Variants in SLC24A3 observed in about 807,000 individuals in gnomAD.
SLC24A3 encodes solute carrier family 24 member 3.
SLC24A3 carries 28 observed loss-of-function variants against 75.8 expected under a neutral mutation model. The ratio of observed to expected loss-of-function variants is 0.37; its 90% CI spans 0.27 to 0.51. SLC24A3 has a LOEUF of 0.51. Among genes scored for constraint, SLC24A3 ranks in the 20% least tolerant of loss-of-function variants. The pLI, the probability that SLC24A3 is intolerant of heterozygous loss-of-function variation, is 0.94. For synonymous variants in SLC24A3, 372 were observed against 334.1 expected, an observed-to-expected ratio of 1.11 and a Z score of -1.24; for missense variants, 663 against 847.8, an observed-to-expected ratio of 0.78 and a Z score of 2.71.
intron 2 of SLC24A3, among the ~76,000 whole-genome samples, chr20:19,472,440 C>G (rs995896093): frequency 6.6e-6 from 1 of 152,248 alleles, no homozygotes; most frequent in Non-Finnish European, 1.5e-5. Context: ...TGCTAGCAAG[C>G]CTCTGCCACA....
intron 7 of SLC24A3, among the ~76,000 whole-genome samples, chr20:19,663,337 A>G (rs1205375329): frequency 7.0e-6 from 1 of 143,234 alleles, no homozygotes. Context: ...AAGGAGAAGG[A>G]TAAACCCGAA....
At chr20:19,445,624 T>C (rs1987368992) in intron 2 of SLC24A3, among the ~76,000 whole-genome samples, 1 of 152,136 alleles carries the variant, frequency 6.6e-6, no homozygotes, top group South Asian at 2.1e-4. Flanking sequence ...AGAGCACACA[T>C]GGGGAAGTGG....
intron 1 of SLC24A3, among the ~76,000 whole-genome samples, chr20:19,278,213 A>G (rs540525508): frequency 1.3e-5 from 2 of 152,312 alleles, no homozygotes; most frequent in South Asian, 4.1e-4. Flanking sequence ...GAGTAGGTGG[A>G]TGAATACCTA....
chr20:19,645,598 A>C (rs1363720693), intron 6 of SLC24A3, among the ~76,000 whole-genome samples: 1 of 152,216 alleles, frequency 6.6e-6, no homozygotes, highest in East Asian at 1.9e-4. Flanking sequence ...GCGGCTCCAC[A>C]GTGACACAAG....
chr20:19,495,574 T>C (rs1266953482), intron 2 of SLC24A3, among the ~76,000 whole-genome samples: 1 of 152,224 alleles, frequency 6.6e-6, no homozygotes, highest in African/African-American at 2.4e-5. Context: ...ATTCGTTGTA[T>C]GGCAGTACAG....
chr20:19,306,903 T>C (rs1253462972), intron 2 of SLC24A3, among the ~76,000 whole-genome samples: 1 of 151,646 alleles, frequency 6.6e-6, no homozygotes, highest in Admixed American at 6.6e-5. Flanking sequence ...AACAAAAACC[T>C]CTCACGTGAC....
intron 2 of SLC24A3, among the ~76,000 whole-genome samples, chr20:19,415,385 C>A (rs531113935): frequency 6.6e-6 from 1 of 152,210 alleles, no homozygotes. Flanking sequence ...ACAGAAGCCA[C>A]CTCACCAAAG....
intron 2 of SLC24A3, among the ~76,000 whole-genome samples, chr20:19,369,713 T>C (rs896606168): frequency 2.0e-5 from 3 of 152,206 alleles, no homozygotes; most frequent in African/African-American, 7.2e-5. Flanking sequence ...ACAGTGATTA[T>C]GAAATAGAAT....
intron 2 of SLC24A3, among the ~76,000 whole-genome samples, chr20:19,348,592 C>T (rs1402966569): frequency 6.6e-6 from 1 of 152,114 alleles, no homozygotes; most frequent in Non-Finnish European, 1.5e-5. Flanking sequence ...CTAATAACAT[C>T]CTGATAGATC....
At chr20:19,217,458 T>C (rs1450261167) in intron 1 of SLC24A3, among the ~76,000 whole-genome samples, 1 of 152,254 alleles carries the variant, frequency 6.6e-6, no homozygotes, top group Non-Finnish European at 1.5e-5. Context: ...CAGACGTATG[T>C]ATGTATGCAT....
At chr20:19,387,692 T>C (rs1986294825) in intron 2 of SLC24A3, among the ~76,000 whole-genome samples, 1 of 152,218 alleles carries the variant, frequency 6.6e-6, no homozygotes, top group Admixed American at 6.5e-5. Context: ...ACACTTGATA[T>C]GATTTCAGTC....
intron 3 of SLC24A3, among the ~76,000 whole-genome samples, chr20:19,523,302 C>A (rs529683798): frequency 1.3e-5 from 2 of 152,066 alleles, no homozygotes; most frequent in South Asian, 4.1e-4. Flanking sequence ...GCAGGGCAGA[C>A]GTGTTTAGTT....
intron 9 of SLC24A3, among the ~76,000 whole-genome samples, chr20:19,678,244 T>C (rs2032552661): frequency 6.8e-6 from 1 of 147,984 alleles, no homozygotes. Context: ...GACGGGGTGG[T>C]GGCCGGGCAG....
intron 1 of SLC24A3, among the ~76,000 whole-genome samples, chr20:19,276,406 CTG>C (rs1469949114): frequency 6.6e-6 from 1 of 152,166 alleles, no homozygotes; most frequent in African/African-American, 2.4e-5. Context: ...GAGAAATGCA[CTG>C]TTAGGCGATT....
At position 19,563,110 on chromosome 20, in the gene SLC24A3, A is replaced by T. The variant is rs547880981; in HGVS notation, c.349-16890A>T. Among the ~76,000 whole-genome samples the T allele has an allele frequency of 5.3e-5, 8 of 152,308 alleles. No homozygotes were observed. The South Asian group carries it at 1.7e-3, about 32-fold the overall frequency. On this transcript the variant is annotated intron_variant, in intron 3 of 16. Coordinates refer to ENST00000328041, the MANE Select transcript of SLC24A3 (RefSeq NM_020689.4). The stretch of plus-strand genomic sequence containing the variant: ...TCCACGTGACAGAAGTTATTATACA[A>T]CTGAAGACAAATTAATCCGCACAAC...
At chr20:19,354,582 T>TTA (rs374414092) in intron 2 of SLC24A3, among the ~76,000 whole-genome samples, 1 of 142,872 alleles carries the variant, frequency 7.0e-6, no homozygotes, top group Non-Finnish European at 1.5e-5. Flanking sequence ...CATAAAAAAT[T>TTA]TGTGTATGTG....
In SLC24A3 at chr20:19,551,691, C is replaced by T. The variant is rs139525749; in HGVS notation, c.349-28309C>T. 4.6e-5 allele frequency among the ~76,000 whole-genome samples: 7 copies of T among 152,250 alleles called. No homozygotes were observed. The East Asian group carries it at 1.2e-3, about 25-fold the overall frequency. The stretch of plus-strand genomic sequence containing the variant: ...CTTTAGCCTGGGCTGCCATGCTCCT[C>T]GGCTCCTGCTGACTGAGACACTCTG... On this transcript the variant is annotated intron_variant, in intron 3 of 16. Coordinates refer to ENST00000328041, the MANE Select transcript of SLC24A3 (RefSeq NM_020689.4).
At chr20:19,491,551 T>G (rs1474732) in intron 2 of SLC24A3, among the ~76,000 whole-genome samples, 1 of 151,906 alleles carries the variant, frequency 6.6e-6, no homozygotes, top group African/African-American at 2.4e-5. Context: ...CTTTCCAGGC[T>G]CTGTCACCCC....
At chr20:19,614,975 C>T (rs1251019990) in intron 6 of SLC24A3, among the ~76,000 whole-genome samples, 1 of 152,172 alleles carries the variant, frequency 6.6e-6, no homozygotes, top group African/African-American at 2.4e-5. Flanking sequence ...TCATCCAAAC[C>T]ATAATCTTTT....
Sources: allele counts gnomAD v4.1 joint callset (sites outside exome capture counted in the v4.1 genomes callset), GRCh38; gene constraint gnomAD v4.1.1; transcripts MANE v1.5; gene names NCBI Gene and HGNC (gene_info 2026-07-23, HGNC 2026-07-21).